The following KANSL1 variants were observed in gnomAD, a reference collection of about 807,000 sequenced individuals.
The protein encoded by KANSL1 is KAT8 regulatory NSL complex subunit 1.
KANSL1 carries 22 observed loss-of-function variants against 103.6 expected under a neutral mutation model. The ratio of observed to expected loss-of-function variants is 0.21; its 90% CI spans 0.15 to 0.30. The LOEUF (loss-of-function observed/expected upper bound fraction) is 0.30, where lower values mean the gene tolerates loss of function less well. Ranked by LOEUF, KANSL1 falls within the 10% of genes least tolerant of loss-of-function variation. KANSL1 has a pLI of 1.00. For missense variants in KANSL1, 1,337 were observed against 1,399.8 expected, an observed-to-expected ratio of 0.96 and a Z score of 0.72; for synonymous variants, 600 against 527.6, an observed-to-expected ratio of 1.14 and a Z score of -1.88.
At chr17:46,223,071 C>T (rs1453896826) in intron 1 of KANSL1, 1 of 148,948 alleles carries the variant, frequency 6.7e-6, no homozygotes, top group African/African-American at 2.5e-5. Flanking sequence ...TGAGGTTTAC[C>T]CTGTGAAATA....
At chr17:46,058,848 A>C (rs2078040947) in intron 6 of KANSL1, among the ~76,000 whole-genome samples, 2 of 151,858 alleles carry the variant, frequency 1.3e-5, no homozygotes, top group African/African-American at 4.8e-5. Context: ...GATTCCAGAG[A>C]GGAAAAGAAC....
chr17:46,051,455 T>G (rs1568389132), intron 6 of KANSL1, among the ~76,000 whole-genome samples: 1 of 152,242 alleles, frequency 6.6e-6, no homozygotes, highest in Non-Finnish European at 1.5e-5. Flanking sequence ...CCTCTCCAGG[T>G]AAGTCCAAAG....
chr17:46,120,793 G>C (rs1278752605), intron 2 of KANSL1, among the ~76,000 whole-genome samples: 1 of 151,954 alleles, frequency 6.6e-6, no homozygotes, highest in Non-Finnish European at 1.5e-5. Flanking sequence ...GCTTTGTTTT[G>C]AATTTTGACA....
chr17:46,058,733 A>ACTCTCT (rs2078023206), intron 6 of KANSL1, among the ~76,000 whole-genome samples: 1 of 61,248 alleles, frequency 1.6e-5, no homozygotes, highest in East Asian at 2.5e-4. Flanking sequence ...ACACACACAC[A>ACTCTCT]CACACACACA....
At chr17:46,129,857 G>A (rs937091205) in intron 2 of KANSL1, among the ~76,000 whole-genome samples, 1 of 152,038 alleles carries the variant, frequency 6.6e-6, no homozygotes, top group African/African-American at 2.4e-5. Flanking sequence ...ACAGAACTTA[G>A]GGCAGTACTC....
rs1241960017 is a variant in KANSL1 at position 46,039,201 on chromosome 17, G to T, written c.2218C>A (p.Gln740Lys). The change falls in exon 9 of 15, where the codon CAA becomes AAA. Residue 740 changes from glutamine to lysine, a missense_variant. Around this residue, in one of 2 missense-constraint regions of KANSL1, gnomAD observed 780 missense variants for 923.4 expected, o/e 0.84. Transcript: ENST00000432791. ...FLTTAKLSHH[Q>K]TRPDRTHRQH... ...CTGTGGGTCCTGTCAGGCCGGGTTT[G>T]GTGATGGGACAGCTCTGAAGAGGGG... The T allele has an allele frequency of 1.3e-6, 2 of 1,588,090 alleles. No individual in the cohort carries two copies. The highest frequency in any genetic ancestry group is 2.3e-5 in the South Asian group (2 of 87,560).
At chr17:46,177,237 G>A (rs1404417783) in intron 1 of KANSL1, among the ~76,000 whole-genome samples, 1 of 152,154 alleles carries the variant, frequency 6.6e-6, no homozygotes, top group Non-Finnish European at 1.5e-5. Flanking sequence ...CACGTACCTG[G>A]AGCAACCACC....
chr17:46,122,442 G>T (rs2043322728), intron 2 of KANSL1, among the ~76,000 whole-genome samples: 1 of 152,138 alleles, frequency 6.6e-6, no homozygotes, highest in Admixed American at 6.5e-5. Context: ...TATTCATACT[G>T]GAAATATGAA....
intron 6 of KANSL1, among the ~76,000 whole-genome samples, chr17:46,060,465 A>G (rs1319179832): frequency 2.0e-5 from 3 of 152,340 alleles, no homozygotes; most frequent in East Asian, 1.9e-4. Context: ...AAACACCGTC[A>G]TAACAGTTTA....
At chr17:46,067,510 A>G (rs757035134) in intron 5 of KANSL1, 39 bp downstream of exon 5, 74 of 1,215,572 alleles carry the variant, frequency 6.1e-5, no homozygotes, top group Non-Finnish European at 8.6e-5. Flanking sequence ...CACCTTTACA[A>G]GTCTACTAAG....
chr17:46,145,751 A>G (rs1321234675), intron 2 of KANSL1, among the ~76,000 whole-genome samples: 2 of 152,296 alleles, frequency 1.3e-5, no homozygotes, highest in East Asian at 3.9e-4. Context: ...TTTTCTTGAG[A>G]GGAGTGACTC....
intron 1 of KANSL1, among the ~76,000 whole-genome samples, chr17:46,190,105 T>G: frequency 6.6e-6 from 1 of 152,276 alleles, no homozygotes. Flanking sequence ...AAAATGCAAT[T>G]AAAACCTGTG....
At chr17:46,104,364 GA>G (rs1211539121) in intron 2 of KANSL1, among the ~76,000 whole-genome samples, 1 of 152,136 alleles carries the variant, frequency 6.6e-6, no homozygotes, top group Non-Finnish European at 1.5e-5. Flanking sequence ...GTCTCTCCAG[GA>G]AAGTTTTTCC....
chr17:46,099,078 CT>C lies in KANSL1; in HGVS notation c.1290-4378del, dbSNP rs2146989124. On this transcript the variant is annotated intron_variant, in intron 2 of 14. Coordinates refer to ENST00000432791, the MANE Select transcript of KANSL1 (RefSeq NM_015443.4). The stretch of plus-strand genomic sequence containing the variant: ...GTGGCTCACGCTTGTAATCCCAGCA[CT>C]TTGGGAGGCCGAGGCAGGCGGATCA... 1.8e-5 allele frequency among the ~76,000 whole-genome samples: 2 copies of C among 113,084 alleles called. 1 individual carries two copies. Among genetic ancestry groups the C allele is most frequent in the Non-Finnish European group, 4.8e-5 (2 of 41,834 alleles). The allele number at this position is 113,084 out of a possible 152,430, so 74.2% of individuals were successfully genotyped here. A position where few individuals can be genotyped will look rare whatever the true frequency, so the allele number is the denominator to read the frequency against.
At chr17:46,033,771 T>C (rs961877591) in intron 11 of KANSL1, among the ~76,000 whole-genome samples, 1 of 152,194 alleles carries the variant, frequency 6.6e-6, no homozygotes, top group African/African-American at 2.4e-5. Context: ...GACCAGCTGA[T>C]TGCTCCCATA....
chr17:46,143,781 G>T (rs973309133), intron 2 of KANSL1, among the ~76,000 whole-genome samples: 3 of 145,376 alleles, frequency 2.1e-5, no homozygotes, highest in African/African-American at 7.7e-5. Flanking sequence ...TCCAGCCTGG[G>T]CGACAGAGCG....
intron 2 of KANSL1, among the ~76,000 whole-genome samples, chr17:46,161,449 C>T (rs567377217): frequency 2.3e-4 from 35 of 149,096 alleles, no homozygotes; most frequent in Middle Eastern, 3.4e-3. Flanking sequence ...AAAAAAAAAA[C>T]CTTGTTTCCT....
At chr17:46,130,564 A>G (rs935803986) in intron 2 of KANSL1, among the ~76,000 whole-genome samples, 2 of 152,244 alleles carry the variant, frequency 1.3e-5, no homozygotes, top group African/African-American at 4.8e-5. Context: ...TAGAACGAAA[A>G]CAAAAACAAG....
intron 6 of KANSL1, among the ~76,000 whole-genome samples, chr17:46,065,370 T>C (rs910190822): frequency 2.6e-5 from 4 of 152,176 alleles, no homozygotes; most frequent in African/African-American, 4.8e-5. Context: ...CTTTTGTCTG[T>C]TTTGTTTAGT....
Sources: gnomAD v4.1 joint callset for allele counts (sites outside exome capture counted in the v4.1 genomes callset) on GRCh38, gnomAD v4.1.1 for gene constraint, gnomAD v4.1.1 regional missense constraint, MANE v1.5 for transcripts, NCBI Gene and HGNC (gene_info 2026-07-23, HGNC 2026-07-21) for gene names.